The following PTPRG variants were observed in gnomAD, a reference collection of about 807,000 sequenced individuals.
The protein encoded by PTPRG is protein tyrosine phosphatase receptor type G.
PTPRG carries 102 observed loss-of-function variants against 165.3 expected under a neutral mutation model. The ratio of observed to expected loss-of-function variants is 0.62; its 90% CI spans 0.53 to 0.73. The LOEUF (loss-of-function observed/expected upper bound fraction) is 0.73. Ranked by LOEUF, PTPRG falls within the 30% of genes least tolerant of loss-of-function variation. PTPRG has a pLI of 0.00. For missense variants in PTPRG, 1,866 were observed against 1,861.4 expected, an observed-to-expected ratio of 1.00 and a Z score of -0.05; for synonymous variants, 675 against 669.5, an observed-to-expected ratio of 1.01 and a Z score of -0.13.
chr3:61,764,723 T>C (rs2033962247), intron 2 of PTPRG, among the ~76,000 whole-genome samples: 1 of 152,206 alleles, frequency 6.6e-6, no homozygotes, highest in Non-Finnish European at 1.5e-5. Context: ...TAAACTACTC[T>C]GTGAATTTTA....
At chr3:62,007,271 A>G (rs1559742634) in intron 4 of PTPRG, among the ~76,000 whole-genome samples, 1 of 152,244 alleles carries the variant, frequency 6.6e-6, no homozygotes, top group Non-Finnish European at 1.5e-5. Flanking sequence ...GCATCCAGAA[A>G]TTAAAGCTCT....
intron 4 of PTPRG, among the ~76,000 whole-genome samples, chr3:62,039,769 T>G (rs923810751): frequency 9.2e-5 from 14 of 152,230 alleles, no homozygotes; most frequent in African/African-American, 3.4e-4. Flanking sequence ...TAAAGATTCC[T>G]GTCCGTTGCC....
At position 62,034,726 on chromosome 3, in the gene PTPRG, G is replaced by A. The variant is rs145454864; in HGVS notation, c.519+31229G>A. ...TCCACTCAAAAGAAATTTTTTAAAT[G>A]TCCGTGCTGGCAGCGGACAAGGATG... On this transcript the variant is annotated intron_variant, in intron 4 of 29. Transcript: ENST00000474889. Among the ~76,000 whole-genome samples, 1,104 of 152,270 alleles carry A rather than the reference G, an allele frequency of 7.3e-3. 5 individuals carry two copies. The highest frequency in any genetic ancestry group is 0.013 in the Non-Finnish European group (890 of 68,032).
At chr3:61,786,244 G>A (rs567010067) in intron 2 of PTPRG, among the ~76,000 whole-genome samples, 20 of 152,108 alleles carry the variant, frequency 1.3e-4, no homozygotes, top group Non-Finnish European at 2.6e-4. Flanking sequence ...ATTGGCCAAT[G>A]GACACTTTAG....
Position 62,294,654 on chromosome 3 carries a change from T to G in PTPRG, c.*1347T>G, listed in dbSNP as rs1404033651. ...TGCATAATGGGAAAATTAGGAGCAT[T>G]AATAAGAAATTTCAGTAGTGTTTGT... On this transcript the variant is annotated 3_prime_UTR_variant, in exon 30 of 30. Coordinates refer to ENST00000474889, the MANE Select transcript of PTPRG (RefSeq NM_002841.4). 6.6e-6 allele frequency: 1 copy of G among 152,088 alleles called. No individual in the cohort carries two copies. The highest frequency in any genetic ancestry group is 1.5e-5 in the Non-Finnish European group (1 of 68,006). The allele number at this position is 152,088 out of a possible 1,614,324, so 9.4% of individuals were successfully genotyped here.
intron 1 of PTPRG, among the ~76,000 whole-genome samples, chr3:61,660,526 ATAGT>A (rs1702627522): frequency 6.6e-6 from 1 of 152,160 alleles, no homozygotes; most frequent in South Asian, 2.1e-4. Context: ...CTCTGTTCAC[ATAGT>A]TAGCGAGTGA....
chr3:62,293,139 C>G (rs755769456), intron 29 of PTPRG, 22 bp from the exon 30 acceptor site: 3 of 1,535,528 alleles, frequency 2.0e-6, no homozygotes, highest in Non-Finnish European at 2.6e-6. Flanking sequence ...TTGGCTCAAA[C>G]TGTCTTCCTC....
intron 2 of PTPRG, among the ~76,000 whole-genome samples, chr3:61,926,252 G>A (rs2039208360): frequency 1.3e-5 from 2 of 152,084 alleles, no homozygotes; most frequent in Admixed American, 1.3e-4. Context: ...ACCCAGTGTT[G>A]GAGTTGGGTC....
rs1021425278 is a variant in PTPRG at position 62,059,247 on chromosome 3, A to G, written c.520-18916A>G. Among the ~76,000 whole-genome samples, 8 of 152,328 alleles carry G rather than the reference A, an allele frequency of 5.3e-5. No homozygotes were observed. The South Asian group carries it at 1.7e-3, about 32-fold the overall frequency. On this transcript the variant is annotated intron_variant, in intron 4 of 29. Coordinates refer to ENST00000474889, the MANE Select transcript of PTPRG (RefSeq NM_002841.4). Reference sequence around the variant, plus strand: ...CACATGTCCTAGGGGACTCCTTCATAAGTGGAACTCACAAAATTATAGATG... The same window carrying G: ...CACATGTCCTAGGGGACTCCTTCATGAGTGGAACTCACAAAATTATAGATG...
At chr3:61,745,025 C>T (rs546622359) in intron 1 of PTPRG, among the ~76,000 whole-genome samples, 4 of 136,432 alleles carry the variant, frequency 2.9e-5, no homozygotes, top group African/African-American at 1.1e-4. Flanking sequence ...GCTTTTTGAT[C>T]TTTCATGTGT....
At chr3:62,016,458 G>A (rs1261113849) in intron 4 of PTPRG, among the ~76,000 whole-genome samples, 2 of 152,038 alleles carry the variant, frequency 1.3e-5, no homozygotes, top group African/African-American at 2.4e-5. Context: ...GAGCCACCGC[G>A]CCCGGCCTGT....
At chr3:61,777,962 G>A (rs2034434354) in intron 2 of PTPRG, among the ~76,000 whole-genome samples, 1 of 152,164 alleles carries the variant, frequency 6.6e-6, no homozygotes, top group African/African-American at 2.4e-5. Context: ...TTAGCTTATA[G>A]TTGGTTCTTC....
At chr3:61,761,563 G>A (rs1267421850) in intron 2 of PTPRG, among the ~76,000 whole-genome samples, 1 of 151,300 alleles carries the variant, frequency 6.6e-6, no homozygotes, top group Non-Finnish European at 1.5e-5. Context: ...GGGCAACAGA[G>A]TGAGACTCCG....
At chr3:62,164,546 C>A (rs1197859759) in intron 7 of PTPRG, among the ~76,000 whole-genome samples, 1 of 152,112 alleles carries the variant, frequency 6.6e-6, no homozygotes, top group Non-Finnish European at 1.5e-5. Flanking sequence ...GACTGTCAAG[C>A]GCAACTGTGA....
intron 2 of PTPRG, among the ~76,000 whole-genome samples, chr3:61,984,178 A>C (rs551668483): frequency 6.6e-6 from 1 of 152,324 alleles, no homozygotes; most frequent in East Asian, 1.9e-4. Context: ...TCAAAATGAG[A>C]AAAATACAGT....
intron 2 of PTPRG, among the ~76,000 whole-genome samples, chr3:61,868,249 A>G (rs619611): frequency 0.42 from 64,350 of 152,012 alleles, 14,824 homozygotes; most frequent in East Asian, 0.62. Context: ...ATATCACGGA[A>G]GAAAAGCTCC....
intron 1 of PTPRG, among the ~76,000 whole-genome samples, chr3:61,677,303 A>C (rs28733664): frequency 1.2e-3 from 185 of 151,984 alleles, no homozygotes; most frequent in African/African-American, 4.3e-3. Context: ...AGTGTGGGAC[A>C]GGTGCTGTGT....
At chr3:62,161,999 A>G (rs1056876716) in intron 7 of PTPRG, among the ~76,000 whole-genome samples, 2 of 152,124 alleles carry the variant, frequency 1.3e-5, no homozygotes, top group African/African-American at 4.8e-5. Context: ...TTTAATTGCC[A>G]TTATATGCCC....
chr3:62,113,860 G>A (rs952628325), intron 5 of PTPRG, among the ~76,000 whole-genome samples: 11 of 152,242 alleles, frequency 7.2e-5, no homozygotes, highest in African/African-American at 2.4e-4. Context: ...ACTAAATGGC[G>A]GTGCCATAAT....
Sources: allele counts gnomAD v4.1 joint callset (sites outside exome capture counted in the v4.1 genomes callset), GRCh38; gene constraint gnomAD v4.1.1; transcripts MANE v1.5; gene names NCBI Gene and HGNC (gene_info 2026-07-23, HGNC 2026-07-21).